RSF1: variants seen among roughly 807,000 people sequenced by gnomAD.
The protein encoded by RSF1 is HBV pX-associated protein 8.
Under a neutral mutation model 145.2 loss-of-function variants are expected in RSF1, and 13 were observed. The observed-to-expected ratio is 0.09, with a 90% confidence interval of 0.06 to 0.14. The LOEUF is 0.14. Among genes scored for constraint, RSF1 ranks in the 10% least tolerant of loss-of-function variants. The probability of loss-of-function intolerance (pLI) is 1.00; values close to 1 mark genes in which losing one functional copy is unlikely to be tolerated. For synonymous variants in RSF1, 577 were observed against 592.6 expected, an observed-to-expected ratio of 0.97 and a Z score of 0.38; for missense variants, 1,517 against 1,718.2, an observed-to-expected ratio of 0.88 and a Z score of 2.07.
At chr11:77,747,823 G>A (rs1948017790) in intron 2 of RSF1, among the ~76,000 whole-genome samples, 1 of 152,174 alleles carries the variant, frequency 6.6e-6, no homozygotes, top group South Asian at 2.1e-4. Flanking sequence ...ACAGTGAAAT[G>A]CAAATGGGTT....
intron 7 of RSF1, among the ~76,000 whole-genome samples, chr11:77,698,283 AG>A (rs1219359559): frequency 6.6e-6 from 1 of 152,254 alleles, no homozygotes; most frequent in Admixed American, 6.5e-5. Context: ...TCAATATACA[AG>A]CCAAGTAGAA....
intron 2 of RSF1, among the ~76,000 whole-genome samples, chr11:77,750,603 G>A (rs992634591): frequency 6.6e-6 from 1 of 152,168 alleles, no homozygotes; most frequent in Admixed American, 6.5e-5. Context: ...GTGTCTATCA[G>A]AGACTGTCTA....
At chr11:77,746,984 C>A in intron 3 of RSF1, 52 bp downstream of exon 3, 2 of 1,204,686 alleles carry the variant, frequency 1.7e-6, no homozygotes, top group South Asian at 2.7e-5. Context: ...AACCAGGAGT[C>A]AAAAGTTAAA....
chr11:77,691,565 G>T, intron 8 of RSF1: 1 of 221,632 alleles, frequency 4.5e-6, no homozygotes, highest in Non-Finnish European at 8.9e-6. Context: ...TTTTAAAAAA[G>T]ATCCCAAGAT....
chr11:77,745,084 T>C (rs1947985888), intron 3 of RSF1, among the ~76,000 whole-genome samples: 1 of 152,220 alleles, frequency 6.6e-6, no homozygotes, highest in Non-Finnish European at 1.5e-5. Flanking sequence ...CAAACAATTG[T>C]TCATAGTTGT....
intron 1 of RSF1, among the ~76,000 whole-genome samples, chr11:77,784,945 C>A (rs1451742422): frequency 6.6e-6 from 1 of 152,180 alleles, no homozygotes; most frequent in African/African-American, 2.4e-5. Flanking sequence ...GAAATTCTGT[C>A]TTCTGCATAG....
At chr11:77,675,339 G>A (rs1408815802) in intron 13 of RSF1, 83 bp from the exon 14 acceptor site, 15 of 1,031,510 alleles carry the variant, frequency 1.5e-5, no homozygotes, top group Non-Finnish European at 1.8e-5. Flanking sequence ...AAATTCTGGT[G>A]AGCCCAGTGA....
At chr11:77,864,317 G>C in the RSF1 span, among the ~76,000 whole-genome samples, 167 of 150,260 alleles carry the variant, frequency 1.1e-3, no homozygotes, top group African/African-American at 3.6e-3. Context: ...GGTGGCACAT[G>C]CCTGTAATCC....
chr11:77,700,988 A>T lies in RSF1; in HGVS notation c.2241T>A (p.Asp747Glu). The T allele has an allele frequency of 6.2e-7, 1 of 1,613,584 alleles. No homozygotes were observed. ...CTGGTTCTAGAACTTTGGGGGGAGA[A>T]TCGGGCTTCTTTTTCCGACTTGATA... ...IRISSRKKKP[D>E]SPPKVLEPEN... is the part of the protein sequence containing the mutation. Residue 747 changes from aspartate to glutamate, a missense_variant, in exon 6 of 16, where the codon GAT becomes GAA. Asp to Glu is a conservative substitution (Grantham distance 45). Around this residue, in one of 12 missense-constraint regions of RSF1, gnomAD observed 579 missense variants for 553.5 expected, o/e 1.05. Transcript: ENST00000308488.
rs1959223478 is a variant in RSF1, at chr11:77,660,738, T to C, written c.*6179A>G. 1 of 152,198 alleles carries C rather than the reference T, an allele frequency of 6.6e-6. No individual in the cohort carries two copies. Among genetic ancestry groups the C allele is most frequent in the African/African-American group, 2.4e-5 (1 of 41,450 alleles). The allele number at this position is 152,198 out of a possible 1,614,324, so 9.4% of individuals were successfully genotyped here. ...TATAAATTTTTATGTGGAATTTGTA[T>C]TCTTCATATGGAAACTCATGATCTG... On this transcript the variant is annotated 3_prime_UTR_variant, in exon 16 of 16. Transcript: ENST00000308488.
At chr11:77,724,074 A>G (rs1170172179) in intron 5 of RSF1, among the ~76,000 whole-genome samples, 1 of 152,234 alleles carries the variant, frequency 6.6e-6, no homozygotes, top group Non-Finnish European at 1.5e-5. Context: ...TAAACAACCC[A>G]AAGAAAAAAT....
chr11:77,728,901 CA>C (rs1961127669), intron 4 of RSF1, among the ~76,000 whole-genome samples: 1 of 150,132 alleles, frequency 6.7e-6, no homozygotes, highest in African/African-American at 2.5e-5. Flanking sequence ...ATATATTTTA[CA>C]AAAAAGAGAT....
At chr11:77,716,234 A>G (rs1464389481) in intron 5 of RSF1, among the ~76,000 whole-genome samples, 1 of 152,202 alleles carries the variant, frequency 6.6e-6, no homozygotes, top group Non-Finnish European at 1.5e-5. Flanking sequence ...AAAATTAAAA[A>G]TATTAAGTAC....
At position 77,661,098 on chromosome 11, in the gene RSF1, C is replaced by A. The variant is rs1415371968; in HGVS notation, c.*5819G>T. The stretch of plus-strand genomic sequence containing the variant: ...TGCCACGCTTCAGCAGACAACTATT[C>A]CTGTGGAATTAAGTCCACTGAATAA... On this transcript the variant is annotated 3_prime_UTR_variant, in exon 16 of 16. Transcript: ENST00000308488. 2 of 152,194 alleles carry A rather than the reference C, an allele frequency of 1.3e-5. No individual in the cohort carries two copies. The highest frequency in any genetic ancestry group is 2.9e-5 in the Non-Finnish European group (2 of 68,018). The allele number at this position is 152,194 out of a possible 1,614,324, so 9.4% of individuals were successfully genotyped here. A position where few individuals can be genotyped will look rare whatever the true frequency, so the allele number is the denominator to read the frequency against.
chr11:77,728,893 A>G (rs1022073080), intron 4 of RSF1, among the ~76,000 whole-genome samples: 1 of 152,062 alleles, frequency 6.6e-6, no homozygotes, highest in Non-Finnish European at 1.5e-5. Flanking sequence ...TCAATTATAT[A>G]TATTTTACAA....
intron 9 of RSF1, among the ~76,000 whole-genome samples, chr11:77,687,160 CAT>C (rs1007826359): frequency 2.6e-5 from 4 of 152,234 alleles, no homozygotes; most frequent in South Asian, 2.1e-4. Context: ...GATTCATATA[CAT>C]GTGTGTGTAT....
chr11:77,683,369 A>G (rs1959916875), intron 11 of RSF1, among the ~76,000 whole-genome samples: 1 of 152,058 alleles, frequency 6.6e-6, no homozygotes, highest in East Asian at 1.9e-4. Context: ...AGAGGATGAC[A>G]TGAACAGATT....
the RSF1 span, among the ~76,000 whole-genome samples, chr11:77,856,341 A>C: frequency 6.6e-6 from 1 of 152,122 alleles, no homozygotes; most frequent in African/African-American, 2.4e-5. Flanking sequence ...ACAACCATTC[A>C]ACAGGTCTCT....
chr11:77,840,166 GA>G, the RSF1 span, among the ~76,000 whole-genome samples: 1 of 152,006 alleles, frequency 6.6e-6, no homozygotes, highest in East Asian at 1.9e-4. Flanking sequence ...CCCTTGAAAA[GA>G]AACATGAAAA....
Sources: gnomAD v4.1 joint callset for allele counts (sites outside exome capture counted in the v4.1 genomes callset) on GRCh38, gnomAD v4.1.1 for gene constraint, gnomAD v4.1.1 regional missense constraint, MANE v1.5 for transcripts, NCBI Gene and HGNC (gene_info 2026-07-23, HGNC 2026-07-21) for gene names.